COL6A5: variants seen among roughly 807,000 people sequenced by gnomAD.
COL6A5 encodes collagen alpha-5(VI) chain.
In COL6A5, 48 loss-of-function variants were observed where a neutral mutation model predicts 65.6. The ratio of observed to expected loss-of-function variants is 0.73; its 90% CI spans 0.58 to 0.93. The LOEUF is 0.93. Among genes scored for constraint, COL6A5 ranks in the 40% least tolerant of loss-of-function variants. The probability of loss-of-function intolerance (pLI) is 0.00; values close to 1 mark genes in which losing one functional copy is unlikely to be tolerated. For synonymous variants in COL6A5, 291 were observed against 322.8 expected, an observed-to-expected ratio of 0.90 and a Z score of 1.05; for missense variants, 914 against 928.3, an observed-to-expected ratio of 0.98 and a Z score of 0.20.
intron 4 of COL6A5, among the ~76,000 whole-genome samples, chr3:130,446,685 A>G (rs1709312305): frequency 6.6e-6 from 1 of 152,058 alleles, no homozygotes; most frequent in South Asian, 2.1e-4. Context: ...TTTCATTGTC[A>G]GTATTCACCT....
chr3:130,438,186 C>T (rs187098653), intron 1 of COL6A5, among the ~76,000 whole-genome samples: 14 of 152,098 alleles, frequency 9.2e-5, no homozygotes, highest in East Asian at 7.8e-4. Flanking sequence ...TTAGTAGAGA[C>T]GGGGTTTACT....
At chr3:130,409,596 T>A (rs1364231306) in intron 18 of COL6A5, among the ~76,000 whole-genome samples, 1 of 152,202 alleles carries the variant, frequency 6.6e-6, no homozygotes, top group Non-Finnish European at 1.5e-5. Context: ...ACGCTGAGAC[T>A]TTCTGGTTCC....
chr3:130,431,709 A>C (rs1241626562), exon 1 of COL6A5: 1 of 1,551,612 alleles, frequency 6.4e-7, no homozygotes, highest in Non-Finnish European at 8.7e-7. Context: ...AGCTTTCCCA[A>C]ATAAAATATC....
intron 20 of COL6A5, 32 bp downstream of exon 20, chr3:130,410,556 C>T (rs1241742741): frequency 9.2e-6 from 14 of 1,527,684 alleles, no homozygotes; most frequent in Non-Finnish European, 1.2e-5. Flanking sequence ...TATTTCCCCT[C>T]CTTGCCACTT....
exon 2 of COL6A5, chr3:130,439,540 T>C: frequency 1.9e-6 from 3 of 1,550,860 alleles, no homozygotes; most frequent in Non-Finnish European, 2.6e-6. Context: ...CACTGGAACA[T>C]TTCAGGTGAT....
chr3:130,373,254 C>T (rs779907239), intron 1 of COL6A5, among the ~76,000 whole-genome samples: 4 of 152,130 alleles, frequency 2.6e-5, no homozygotes, highest in Non-Finnish European at 4.4e-5. Context: ...GCAATTGCTT[C>T]GTCTGGGTTA....
exon 9 of COL6A5, chr3:130,397,726 G>A (rs1193185895): frequency 2.6e-6 from 4 of 1,551,558 alleles, no homozygotes; most frequent in Admixed American, 2.0e-5. Flanking sequence ...GAGCTGTGGG[G>A]CTGGCACAGA....
chr3:130,420,987 G>A (rs1164481584), intron 25 of COL6A5, among the ~76,000 whole-genome samples, 166 bp from the exon 26 acceptor site: 6 of 152,056 alleles, frequency 3.9e-5, no homozygotes, highest in Non-Finnish European at 4.4e-5. Flanking sequence ...ATCAGGGAGT[G>A]AGGAAAACAC....
intron 5 of COL6A5, among the ~76,000 whole-genome samples, chr3:130,461,302 T>G (rs1349349046): frequency 2.0e-5 from 3 of 152,058 alleles, no homozygotes; most frequent in African/African-American, 7.2e-5. Context: ...CAGGACACCT[T>G]TCAAAGTATT....
chr3:130,464,329 C>G (rs115642053), intron 5 of COL6A5, among the ~76,000 whole-genome samples: 1 of 151,724 alleles, frequency 6.6e-6, no homozygotes, highest in African/African-American at 2.4e-5. Context: ...GAGATGAGTC[C>G]ACTATGTTGC....
intron 1 of COL6A5, among the ~76,000 whole-genome samples, chr3:130,365,085 C>T (rs1022104855): frequency 2.0e-5 from 3 of 152,008 alleles, no homozygotes; most frequent in African/African-American, 7.3e-5. Flanking sequence ...TGGTGTAGGT[C>T]AGGTGCTCAT....
At chr3:130,454,533 A>G (rs1709520921) in intron 4 of COL6A5, among the ~76,000 whole-genome samples, 1 of 152,222 alleles carries the variant, frequency 6.6e-6, no homozygotes, top group Non-Finnish European at 1.5e-5. Context: ...TCAAATGCAA[A>G]TGCAAACACG....
intron 1 of COL6A5, among the ~76,000 whole-genome samples, chr3:130,363,860 A>T (rs1935231162): frequency 6.6e-6 from 1 of 152,136 alleles, no homozygotes; most frequent in Non-Finnish European, 1.5e-5. Flanking sequence ...GTTCCTGCAA[A>T]GGTTTCAGCT....
chr3:130,349,294 G>C (rs868804272), intron 1 of COL6A5, among the ~76,000 whole-genome samples: 1 of 152,224 alleles, frequency 6.6e-6, no homozygotes, highest in Admixed American at 6.5e-5. Context: ...GAAAGGCACC[G>C]TAGTGCAATG....
Position 130,398,128 on chromosome 3 carries a change from GTTTTTTTTT to G in COL6A5, c.3991+29_3991+37del. On this transcript the variant is annotated intron_variant and NMD_transcript_variant, in intron 10 of 41. Transcript: ENST00000312481. ...GAGAAGCAGGTATTGAGTTGTTGTT[GTTTTTTTTT>G]TTTTTTTTTTTGAGATGGAGTGTCA... 5.5e-6 allele frequency: 5 copies of G among 906,620 alleles called. No individual in the cohort carries two copies. The highest frequency in any genetic ancestry group is 7.7e-6 in the Non-Finnish European group (5 of 648,682). 56.2% of individuals were successfully genotyped at this position (906,620 alleles called of 1,614,324 possible).
chr3:130,385,655 A>G (rs996469608), intron 5 of COL6A5, among the ~76,000 whole-genome samples: 5 of 151,984 alleles, frequency 3.3e-5, no homozygotes, highest in Non-Finnish European at 7.4e-5. Flanking sequence ...GAGAGATTCT[A>G]TTCTGCATGG....
intron 5 of COL6A5, among the ~76,000 whole-genome samples, chr3:130,458,337 T>A (rs72986376): frequency 6.6e-6 from 1 of 152,228 alleles, no homozygotes; most frequent in African/African-American, 2.4e-5. Flanking sequence ...AGCTACAAAC[T>A]TTATAACCAT....
chr3:130,362,780 C>T (rs577811286), intron 1 of COL6A5, among the ~76,000 whole-genome samples: 38 of 152,136 alleles, frequency 2.5e-4, no homozygotes, highest in African/African-American at 7.9e-4. Context: ...CTCTAATGCC[C>T]CTCTTTATCT....
At chr3:130,453,139 T>C (rs1709484712) in intron 4 of COL6A5, among the ~76,000 whole-genome samples, 1 of 151,914 alleles carries the variant, frequency 6.6e-6, no homozygotes, top group Non-Finnish European at 1.5e-5. Context: ...GTGACATACA[T>C]CCTCCTCAGC....
Sources: gnomAD v4.1 joint callset for allele counts (sites outside exome capture counted in the v4.1 genomes callset) on GRCh38, gnomAD v4.1.1 for gene constraint, MANE v1.5 for transcripts, NCBI Gene and HGNC (gene_info 2026-07-23, HGNC 2026-07-21) for gene names.